Variants in ADGRB1 observed in about 807,000 individuals in gnomAD.
ADGRB1 encodes brain-specific angiogenesis inhibitor 1.
In ADGRB1, 36 loss-of-function variants were observed where a neutral mutation model predicts 175.7. The ratio of observed to expected loss-of-function variants is 0.20; its 90% CI spans 0.16 to 0.27. The LOEUF (loss-of-function observed/expected upper bound fraction) is 0.27, where lower values mean the gene tolerates loss of function less well. ADGRB1 is among the 10% of genes least tolerant of loss of function. The probability of loss-of-function intolerance (pLI) is 1.00; values close to 1 mark genes in which losing one functional copy is unlikely to be tolerated. For synonymous variants in ADGRB1, 1,054 were observed against 979.4 expected (o/e 1.08, Z -1.42); for missense variants, 1,731 against 2,255.3 (o/e 0.77, Z 4.71).
intron 17 of ADGRB1, among the ~76,000 whole-genome samples, chr8:142,506,235 C>T (rs539642239): frequency 6.6e-6 from 1 of 152,170 alleles, no homozygotes; most frequent in Admixed American, 6.5e-5. Context: ...TGGTGGTCTG[C>T]AGAGGGGTGG....
In ADGRB1 at chr8:142,477,259, C is replaced by T; in HGVS notation, c.1203C>T (p.Asn401=). 3.2e-6 allele frequency: 5 copies of T among 1,579,050 alleles called. No individual in the cohort carries two copies. Among genetic ancestry groups the T allele is most frequent in the Non-Finnish European group, 4.3e-6 (5 of 1,163,624 alleles). ...CCCTGCGCGAGCAGCGGCTGTGCAA[C>T]AACTCTGCCGTGTGCCCAGGTGGGT... ...SGPLREQRLC[N]NSAVCPVHGA... The change falls in exon 5 of 31, where the codon AAC becomes AAT. Residue 401 remains asparagine (N), a synonymous_variant. Coordinates refer to ENST00000517894, the MANE Select transcript of ADGRB1 (RefSeq NM_001702.3).
intron 2 of ADGRB1, among the ~76,000 whole-genome samples, chr8:142,465,549 C>T (rs557351112): frequency 1.3e-5 from 2 of 151,440 alleles, no homozygotes; most frequent in East Asian, 2.0e-4. Flanking sequence ...TGAATCACCT[C>T]TGCCACACGC....
intron 24 of ADGRB1, among the ~76,000 whole-genome samples, chr8:142,528,497 G>A (rs764480817): frequency 2.6e-5 from 4 of 152,188 alleles, no homozygotes; most frequent in Admixed American, 6.5e-5. Context: ...CCTGGTTTCC[G>A]AGAGCAGGGC....
At chr8:142,454,290 G>A (rs1839530561) in intron 1 of ADGRB1, among the ~76,000 whole-genome samples, 2 of 152,184 alleles carry the variant, frequency 1.3e-5, no homozygotes, top group South Asian at 2.1e-4. Flanking sequence ...CACACACCCC[G>A]GTGTGAGGTG....
intron 27 of ADGRB1, 140 bp from the exon 28 acceptor site, chr8:142,541,801 G>A: frequency 1.1e-6 from 1 of 912,482 alleles, no homozygotes; most frequent in Non-Finnish European, 1.6e-6. Context: ...CCTCCGATCG[G>A]TACCCAGCAG....
chr8:142,479,624 G>C lies in ADGRB1; in HGVS notation c.1727-69G>C. The C allele has an allele frequency of 2.0e-6, 3 of 1,516,054 alleles. No individual in the cohort carries two copies. In the South Asian group the frequency reaches 3.6e-5, roughly 18 times the overall value. The allele number at this position is 1,516,054 out of a possible 1,614,324, so 93.9% of individuals were successfully genotyped here. Reference sequence around the variant, plus strand: ...TAATGATGCCTGCTCCAGGCGCCTTGCACCTTCCAGAGCCAGCTGCCGGCT... The same window carrying C: ...TAATGATGCCTGCTCCAGGCGCCTTCCACCTTCCAGAGCCAGCTGCCGGCT... On this transcript the variant is annotated intron_variant, in intron 8 of 30. Transcript: ENST00000517894.
rs1168314508 is a variant in ADGRB1 at position 142,504,036 on chromosome 8, C to T, written c.2676-6896C>T. On this transcript the variant is annotated intron_variant, in intron 17 of 30. Transcript: ENST00000517894. The surrounding 1 kb of genome is among the most constrained non-coding windows in gnomAD (Gnocchi z 5.6). The stretch of plus-strand genomic sequence containing the variant: ...GGCACCAAGCCTGAGCAGGCTCCAG[C>T]GTCATCTGGCAAGCTGGGTTCAGTA... Among the ~76,000 whole-genome samples the T allele has an allele frequency of 6.6e-6, 1 of 152,186 alleles. No homozygotes were observed. Among genetic ancestry groups the T allele is most frequent in the Non-Finnish European group, 1.5e-5 (1 of 68,024 alleles).
At chr8:142,529,546 A>G (rs1563745126) in intron 24 of ADGRB1, among the ~76,000 whole-genome samples, 1 of 151,898 alleles carries the variant, frequency 6.6e-6, no homozygotes, top group Non-Finnish European at 1.5e-5. Context: ...GTGTGCAAGC[A>G]TGCATCTATG....
chr8:142,465,013 G>A, intron 2 of ADGRB1, 31 bp downstream of exon 2: 1 of 1,445,748 alleles, frequency 6.9e-7, no homozygotes, highest in Non-Finnish European at 9.1e-7. Flanking sequence ...CCTTCGGACA[G>A]GGGAGGTGGG....
intron 30 of ADGRB1, among the ~76,000 whole-genome samples, 187 bp from the exon 31 acceptor site, chr8:142,544,033 C>A (rs955142344): frequency 7.2e-5 from 11 of 152,148 alleles, no homozygotes; most frequent in Non-Finnish European, 1.5e-4. Flanking sequence ...GGGAGAGGAT[C>A]TGTGCCTGCC....
At chr8:142,533,931 T>A (rs1844778295) in intron 25 of ADGRB1, among the ~76,000 whole-genome samples, 1 of 152,138 alleles carries the variant, frequency 6.6e-6, no homozygotes, top group Non-Finnish European at 1.5e-5. Flanking sequence ...TTGCGGAGGC[T>A]GGAATGTGGG....
intron 16 of ADGRB1, 69 bp from the exon 17 acceptor site, chr8:142,490,703 C>A: frequency 6.6e-7 from 1 of 1,510,878 alleles, no homozygotes; most frequent in South Asian, 1.2e-5. Flanking sequence ...AGGTGGGTCC[C>A]ATGGTGACCC....
chr8:142,542,240 G>A lies in ADGRB1; in HGVS notation c.4006G>A (p.Ala1336Thr). 1 of 1,613,592 alleles carries A rather than the reference G, an allele frequency of 6.2e-7. No individual in the cohort carries two copies. The highest frequency in any genetic ancestry group is 8.5e-7 in the Non-Finnish European group (1 of 1,179,844). ...FKKLDSELSRAQEKALDTSYV... is the reference protein window; with the variant it reads ...FKKLDSELSRTQEKALDTSYV... Reference sequence around the variant, plus strand: ...GAAGCTGGACTCGGAGCTGAGCCGGGCCCAGGAGAAGGCTCTGGACACGAG... The same window carrying A: ...GAAGCTGGACTCGGAGCTGAGCCGGACCCAGGAGAAGGCTCTGGACACGAG... The change falls in exon 28 of 31, where the codon GCC becomes ACC. Residue 1336 changes from alanine to threonine, a missense_variant. By Grantham distance (58) the Ala-to-Thr change is moderately conservative. This residue lies in a region of ADGRB1 where 394 missense variants were observed against 410.2 expected (regional missense o/e 0.96). Coordinates refer to ENST00000517894, the MANE Select transcript of ADGRB1 (RefSeq NM_001702.3). This position sits in a 1 kb window ranked among gnomAD's most constrained non-coding sequence, Gnocchi z 6.3.
At position 142,536,992 on chromosome 8, in the gene ADGRB1, G is replaced by C; in HGVS notation, c.3576G>C (p.Gln1192His). ...GCTCGGCTCTCCCTCCCCAGGTCCA[G>C]GACGCTGTGAAATGCCGTGTGGTTG... Reference protein sequence around the residue: ...MVHCILRREVQDAVKCRVVDR... With the variant: ...MVHCILRREVHDAVKCRVVDR... Residue 1192 changes from glutamine (Q) to histidine (H), a missense_variant, in exon 26 of 31, where the codon CAG becomes CAC. This residue lies in a region of ADGRB1 where 301 missense variants were observed against 488.4 expected (regional missense o/e 0.62). Transcript: ENST00000517894. 6.3e-7 allele frequency: 1 copy of C among 1,589,238 alleles called. No homozygotes were observed. Among genetic ancestry groups the C allele is most frequent in the Non-Finnish European group, 8.6e-7 (1 of 1,168,894 alleles).
intron 3 of ADGRB1, among the ~76,000 whole-genome samples, chr8:142,476,013 G>A (rs1840953953): frequency 1.3e-5 from 2 of 151,746 alleles, no homozygotes; most frequent in African/African-American, 4.9e-5. Flanking sequence ...TGTGGATTGG[G>A]GTTTTTGGAG....
chr8:142,451,713 G>A (rs982606169), intron 1 of ADGRB1, among the ~76,000 whole-genome samples: 31 of 152,184 alleles, frequency 2.0e-4, no homozygotes, highest in Admixed American at 9.2e-4. Context: ...AGGCCGCGCG[G>A]GCGGAGGCGG....
chr8:142,524,483 G>A (rs1387602279), intron 23 of ADGRB1, among the ~76,000 whole-genome samples, 179 bp downstream of exon 23: 1 of 152,220 alleles, frequency 6.6e-6, no homozygotes, highest in Admixed American at 6.5e-5. Context: ...CCTGCCCTTG[G>A]CATGCAGTGC....
intron 24 of ADGRB1, among the ~76,000 whole-genome samples, chr8:142,528,550 C>G (rs543618849): frequency 6.6e-6 from 1 of 152,188 alleles, no homozygotes; most frequent in East Asian, 1.9e-4. Flanking sequence ...TGCAGTCAGC[C>G]GTCCCCGCAC....
At chr8:142,536,661 T>C (rs943384323) in intron 25 of ADGRB1, among the ~76,000 whole-genome samples, 1 of 151,198 alleles carries the variant, frequency 6.6e-6, no homozygotes, top group Non-Finnish European at 1.5e-5. Flanking sequence ...AGGGACATCT[T>C]CGGCCCGCTG....
Sources: gnomAD v4.1 joint callset for allele counts (sites outside exome capture counted in the v4.1 genomes callset) on GRCh38, gnomAD v4.1.1 for gene constraint, gnomAD v4.1.1 regional missense constraint, Gnocchi (gnomAD v3.1) non-coding constraint, MANE v1.5 for transcripts, NCBI Gene and HGNC (gene_info 2026-07-23, HGNC 2026-07-21) for gene names.